The following OLA1 variants were observed in gnomAD, a reference collection of about 807,000 sequenced individuals.
OLA1 encodes the protein obg-like ATPase 1.
In OLA1, 14 loss-of-function variants were observed where a neutral mutation model predicts 48.4. The observed-to-expected ratio is 0.29, with a 90% CI of 0.19 to 0.45. The LOEUF is 0.45. Among genes scored for constraint, OLA1 ranks in the 20% least tolerant of loss-of-function variants. The probability of loss-of-function intolerance (pLI) is 1.00; values close to 1 mark genes in which losing one functional copy is unlikely to be tolerated. For synonymous variants in OLA1, 127 were observed against 150.4 expected (o/e 0.84, Z 1.14); for missense variants, 325 against 467.1 (o/e 0.70, Z 2.80).
intron 7 of OLA1, among the ~76,000 whole-genome samples, chr2:174,097,500 G>A (rs1244909254): frequency 1.3e-5 from 2 of 152,132 alleles, no homozygotes; most frequent in Non-Finnish European, 2.9e-5. Flanking sequence ...TGTGGGGCCA[G>A]TAAGAAAGTG....
At chr2:174,221,010 T>C (rs192681928) in intron 4 of OLA1, among the ~76,000 whole-genome samples, 33 of 152,314 alleles carry the variant, frequency 2.2e-4, no homozygotes, top group African/African-American at 7.2e-4. Context: ...TCTTTTTTTC[T>C]GACTATAAAT....
intron 6 of OLA1, 96 bp downstream of exon 6, chr2:174,123,499 G>T (rs1685968908): frequency 1.3e-6 from 1 of 755,668 alleles, no homozygotes; most frequent in Non-Finnish European, 2.1e-6. Flanking sequence ...TAAAAATTTA[G>T]ATATAATGGT....
intron 2 of OLA1, among the ~76,000 whole-genome samples, chr2:174,236,307 T>C (rs1688850572): frequency 6.6e-6 from 1 of 151,970 alleles, no homozygotes; most frequent in African/African-American, 2.4e-5. Flanking sequence ...TAAAAGCTAA[T>C]ATAAAGACAG....
chr2:174,119,527 T>C (rs928210368), intron 7 of OLA1, among the ~76,000 whole-genome samples: 4 of 152,106 alleles, frequency 2.6e-5, no homozygotes, highest in African/African-American at 9.7e-5. Flanking sequence ...CACCTACATA[T>C]ACACTTACTG....
chr2:174,166,938 CGTTTA>C (rs957135284), intron 4 of OLA1, among the ~76,000 whole-genome samples: 5 of 152,052 alleles, frequency 3.3e-5, no homozygotes, highest in African/African-American at 1.2e-4. Flanking sequence ...CTATAACCCC[CGTTTA>C]GTTAAGAATT....
chr2:174,164,406 C>T (rs67676335), intron 4 of OLA1, among the ~76,000 whole-genome samples: 16,410 of 76,656 alleles, frequency 0.21, 2,131 homozygotes, highest in East Asian at 0.76. Flanking sequence ...GGTGATCCCA[C>T]GAAACGGTTT....
chr2:174,112,707 C>T (rs1685682335), intron 7 of OLA1, among the ~76,000 whole-genome samples: 1 of 152,158 alleles, frequency 6.6e-6, no homozygotes, highest in South Asian at 2.1e-4. Flanking sequence ...CTCTCTGTCT[C>T]CCACTTGTTT....
chr2:174,208,449 C>T (rs547486772), intron 4 of OLA1, among the ~76,000 whole-genome samples: 5 of 152,270 alleles, frequency 3.3e-5, no homozygotes, highest in African/African-American at 7.2e-5. Context: ...CAACATACCA[C>T]GTAGCAATCA....
intron 4 of OLA1, among the ~76,000 whole-genome samples, chr2:174,168,570 A>G (rs1469471805): frequency 2.6e-5 from 4 of 152,164 alleles, no homozygotes; most frequent in Non-Finnish European, 5.9e-5. Flanking sequence ...AAGTAGCTGA[A>G]AAAAATTTTA....
intron 5 of OLA1, among the ~76,000 whole-genome samples, chr2:174,137,055 C>A (rs942403931): frequency 1.3e-5 from 2 of 152,058 alleles, no homozygotes; most frequent in African/African-American, 4.8e-5. Context: ...TAAATCACTA[C>A]CTATGATAGT....
intron 7 of OLA1, among the ~76,000 whole-genome samples, chr2:174,094,053 AG>A (rs2105348003): frequency 6.6e-6 from 1 of 152,342 alleles, no homozygotes; most frequent in South Asian, 2.1e-4. Context: ...GGGATAGATG[AG>A]GAGAGGATGC....
chr2:174,139,538 C>T (rs1163883784), intron 5 of OLA1, among the ~76,000 whole-genome samples: 1 of 152,150 alleles, frequency 6.6e-6, no homozygotes, highest in African/African-American at 2.4e-5. Context: ...TATTTAGTGC[C>T]TGGGTTTTAC....
intron 7 of OLA1, among the ~76,000 whole-genome samples, chr2:174,088,924 C>G (rs1205027009): frequency 6.6e-6 from 1 of 151,390 alleles, no homozygotes; most frequent in Non-Finnish European, 1.5e-5. Context: ...AAAGCTCCAT[C>G]TTCCATACAT....
Position 174,218,155 on chromosome 2 carries a change from A to C in OLA1, c.373+4878T>G, listed in dbSNP as rs550319425. 5.5e-4 allele frequency among the ~76,000 whole-genome samples: 84 copies of C among 152,252 alleles called. 2 individuals carry two copies. Among genetic ancestry groups the C allele is most frequent in the Non-Finnish European group, 9.7e-4 (66 of 68,028 alleles). ...CTTCTGAGTAGCTAGGATTACCAGC[A>C]TGTGCCACTGCAACTGGCTTTGAAT... On this transcript the variant is annotated intron_variant, in intron 4 of 10. Transcript: ENST00000284719.
Position 174,151,930 on chromosome 2 carries a change from T to C in OLA1, c.374-9930A>G, listed in dbSNP as rs186262412. Among the ~76,000 whole-genome samples, 3 of 152,298 alleles carry C rather than the reference T, an allele frequency of 2.0e-5. No homozygotes were observed. The East Asian group carries it at 5.8e-4, about 29-fold the overall frequency. On this transcript the variant is annotated intron_variant, in intron 4 of 10. Coordinates refer to ENST00000284719, the MANE Select transcript of OLA1 (RefSeq NM_013341.5). ...CAAAAGCTCTGATTTGAAAATATAG[T>C]TTAAGCCCTGGTTTACAGAAACACT...
intron 4 of OLA1, among the ~76,000 whole-genome samples, chr2:174,188,731 T>A (rs951841150): frequency 6.6e-6 from 1 of 152,352 alleles, no homozygotes; most frequent in South Asian, 2.1e-4. Context: ...GTTTGACATA[T>A]ACAAACTTTT....
At chr2:174,103,633 T>C (rs184880812) in intron 7 of OLA1, among the ~76,000 whole-genome samples, 2 of 152,304 alleles carry the variant, frequency 1.3e-5, no homozygotes, top group Admixed American at 1.3e-4. Flanking sequence ...ACAAAAGGGA[T>C]ACATTCAATG....
At chr2:174,192,814 T>TG (rs1406040975) in intron 4 of OLA1, among the ~76,000 whole-genome samples, 2 of 152,222 alleles carry the variant, frequency 1.3e-5, no homozygotes, top group Admixed American at 6.5e-5. Context: ...GTCATTCCAC[T>TG]GTCTCCTAGC....
chr2:174,197,435 T>A (rs199750218), intron 4 of OLA1, among the ~76,000 whole-genome samples: 1 of 151,038 alleles, frequency 6.6e-6, no homozygotes, highest in Non-Finnish European at 1.5e-5. Flanking sequence ...GTTTGTTGTT[T>A]TTTTTTTTTA....
Sources: allele counts gnomAD v4.1 joint callset (sites outside exome capture counted in the v4.1 genomes callset), GRCh38; gene constraint gnomAD v4.1.1; transcripts MANE v1.5; gene names NCBI Gene and HGNC (gene_info 2026-07-23, HGNC 2026-07-21).